The following TMTC2 variants were observed in gnomAD, a reference collection of about 807,000 sequenced individuals.
TMTC2 encodes transmembrane O-mannosyltransferase targeting cadherins 2.
TMTC2 carries 43 observed loss-of-function variants against 82.4 expected under a neutral mutation model. The ratio of observed to expected loss-of-function variants is 0.52; its 90% CI spans 0.41 to 0.67. TMTC2 has a LOEUF of 0.67. TMTC2 is among the 30% of genes least tolerant of loss of function. TMTC2 has a pLI of 0.00. For missense variants in TMTC2, 919 were observed against 1,012.4 expected (o/e 0.91, Z 1.25); for synonymous variants, 408 against 381.9 (o/e 1.07, Z -0.80).
At chr12:82,913,108 T>C (rs1874789540) in intron 3 of TMTC2, among the ~76,000 whole-genome samples, 1 of 152,218 alleles carries the variant, frequency 6.6e-6, no homozygotes, top group Non-Finnish European at 1.5e-5. Context: ...ATCACAGTGA[T>C]AAATTTAAAA....
intron 3 of TMTC2, among the ~76,000 whole-genome samples, chr12:82,926,606 A>T (rs1875731864): frequency 6.6e-6 from 1 of 152,234 alleles, no homozygotes; most frequent in African/African-American, 2.4e-5. Flanking sequence ...TACAAAACAG[A>T]TTTCTATTGG....
chr12:83,127,138 A>G (rs1223059341), intron 11 of TMTC2, among the ~76,000 whole-genome samples: 4 of 152,152 alleles, frequency 2.6e-5, no homozygotes, highest in Non-Finnish European at 5.9e-5. Flanking sequence ...TTTGCAAATT[A>G]TATTCATAAG....
chr12:82,775,124 T>C (rs1877519299), intron 1 of TMTC2, among the ~76,000 whole-genome samples: 2 of 152,172 alleles, frequency 1.3e-5, no homozygotes, highest in South Asian at 4.1e-4. Flanking sequence ...AGGGGCTCCT[T>C]ACTTTTTAGG....
At chr12:82,721,887 T>G (rs979850872) in intron 1 of TMTC2, among the ~76,000 whole-genome samples, 2 of 152,234 alleles carry the variant, frequency 1.3e-5, no homozygotes, top group Admixed American at 1.3e-4. Context: ...CAAGCAATAT[T>G]ATCTTCAGTT....
intron 11 of TMTC2, among the ~76,000 whole-genome samples, chr12:83,124,789 TAAATC>T (rs745649457): frequency 3.3e-5 from 5 of 152,072 alleles, no homozygotes; most frequent in Non-Finnish European, 5.9e-5. Flanking sequence ...TCTATAGTCA[TAAATC>T]AAAACCTCTG....
chr12:83,016,583 A>G (rs1008047010), intron 8 of TMTC2, among the ~76,000 whole-genome samples: 1 of 152,256 alleles, frequency 6.6e-6, no homozygotes, highest in Non-Finnish European at 1.5e-5. Context: ...TTTCCTATCC[A>G]GTGCTGCACA....
At chr12:83,078,242 G>T (rs536499885) in intron 11 of TMTC2, among the ~76,000 whole-genome samples, 1 of 152,206 alleles carries the variant, frequency 6.6e-6, no homozygotes, top group East Asian at 1.9e-4. Context: ...TCAAGGATGA[G>T]GCCTAGTCCT....
At chr12:82,793,366 T>C (rs1878557961) in intron 1 of TMTC2, among the ~76,000 whole-genome samples, 1 of 138,856 alleles carries the variant, frequency 7.2e-6, no homozygotes, top group Non-Finnish European at 1.6e-5. Context: ...CCAGTCTTTT[T>C]TCTTTTTTTT....
chr12:82,835,721 C>T (rs1286349880), intron 1 of TMTC2, among the ~76,000 whole-genome samples: 1 of 152,150 alleles, frequency 6.6e-6, no homozygotes, highest in East Asian at 1.9e-4. Flanking sequence ...TGTTGGAGTT[C>T]TATTGGAGAC....
intron 11 of TMTC2, among the ~76,000 whole-genome samples, chr12:83,078,065 A>G (rs1444684016): frequency 1.3e-5 from 2 of 152,042 alleles, no homozygotes; most frequent in Non-Finnish European, 2.9e-5. Context: ...CTGACTTAGC[A>G]GGGCTCTCAC....
intron 8 of TMTC2, among the ~76,000 whole-genome samples, chr12:82,999,701 C>T (rs949416104): frequency 6.6e-6 from 1 of 152,142 alleles, no homozygotes; most frequent in Non-Finnish European, 1.5e-5. Context: ...ACTTACCCAC[C>T]ATCACGAGAA....
intron 9 of TMTC2, among the ~76,000 whole-genome samples, chr12:83,043,879 A>G (rs1307312990): frequency 2.0e-5 from 3 of 152,216 alleles, no homozygotes; most frequent in African/African-American, 7.2e-5. Context: ...TCACAATACA[A>G]TAGCATATAA....
At chr12:82,808,715 C>T (rs1479641180) in intron 1 of TMTC2, among the ~76,000 whole-genome samples, 5 of 152,054 alleles carry the variant, frequency 3.3e-5, no homozygotes, top group Non-Finnish European at 7.4e-5. Flanking sequence ...TGCTGCATCT[C>T]AACTGCAGTT....
chr12:83,050,798 T>C (rs1882317420), intron 9 of TMTC2, 106 bp from the exon 10 acceptor site: 1 of 624,248 alleles, frequency 1.6e-6, no homozygotes, highest in South Asian at 2.4e-5. Context: ...TTATTAAATC[T>C]TAGCTTCAAA....
At chr12:82,687,737 C>G (rs755343303) in intron 1 of TMTC2, 68 bp downstream of exon 1, 6 of 1,461,976 alleles carry the variant, frequency 4.1e-6, no homozygotes, top group Non-Finnish European at 4.7e-6. Flanking sequence ...TGAAGCTTCC[C>G]TCTTTAAGGC....
At chr12:83,089,413 T>C (rs571687927) in intron 11 of TMTC2, among the ~76,000 whole-genome samples, 1 of 152,226 alleles carries the variant, frequency 6.6e-6, no homozygotes, top group Non-Finnish European at 1.5e-5. Context: ...TAAATGTCAC[T>C]ATAATTATTG....
chr12:82,908,111 A>C (rs1812346100), intron 3 of TMTC2, among the ~76,000 whole-genome samples: 1 of 152,154 alleles, frequency 6.6e-6, no homozygotes, highest in Non-Finnish European at 1.5e-5. Flanking sequence ...AACAAAACAA[A>C]ACAGAACAAA....
Position 82,827,796 on chromosome 12 carries a change from C to G in TMTC2, c.84-29214C>G, listed in dbSNP as rs147525692. Among the ~76,000 whole-genome samples the G allele has an allele frequency of 8.8e-3, 1,334 of 151,982 alleles. 22 individuals carry two copies. The highest frequency in any genetic ancestry group is 0.031 in the African/African-American group (1,295 of 41,466). On this transcript the variant is annotated intron_variant, in intron 1 of 11. Coordinates refer to ENST00000321196, the MANE Select transcript of TMTC2 (RefSeq NM_152588.3). ...TGCAGCAGCCTTGACCTCTCAGGCT[C>G]AAGTGATCCTCCCACTTCAGCCTCC... is the stretch of plus-strand genomic sequence containing the variant.
intron 11 of TMTC2, among the ~76,000 whole-genome samples, chr12:83,099,939 G>A (rs1415336316): frequency 6.8e-6 from 1 of 145,998 alleles, no homozygotes; most frequent in Non-Finnish European, 1.5e-5. Context: ...TTTTTGAGAT[G>A]GAGTCTCTCT....
Sources: allele counts gnomAD v4.1 joint callset (sites outside exome capture counted in the v4.1 genomes callset), GRCh38; gene constraint gnomAD v4.1.1; transcripts MANE v1.5; gene names NCBI Gene and HGNC (gene_info 2026-07-23, HGNC 2026-07-21).